The following DOCK3 variants were observed in gnomAD, a reference collection of about 807,000 sequenced individuals.
The protein encoded by DOCK3 is dedicator of cytokinesis protein 3.
DOCK3 carries 60 observed loss-of-function variants against 265.6 expected under a neutral mutation model. That is an observed-to-expected ratio of 0.23 (90% CI 0.18 to 0.28). The LOEUF (loss-of-function observed/expected upper bound fraction) is 0.28, where lower values mean the gene tolerates loss of function less well. DOCK3 is among the 10% of genes least tolerant of loss of function. The pLI is 1.00. For synonymous variants in DOCK3, 881 were observed against 938.0 expected, an observed-to-expected ratio of 0.94 and a Z score of 1.11; for missense variants, 1,981 against 2,594.3, an observed-to-expected ratio of 0.76 and a Z score of 5.14.
intron 5 of DOCK3, among the ~76,000 whole-genome samples, chr3:51,019,360 A>C (rs1014949782): frequency 2.0e-5 from 3 of 151,942 alleles, no homozygotes; most frequent in African/African-American, 7.3e-5. Context: ...TGCTTTTCTC[A>C]CTATACTGCA....
chr3:51,193,509 G>A (rs927752077), intron 12 of DOCK3, among the ~76,000 whole-genome samples: 6 of 151,934 alleles, frequency 3.9e-5, no homozygotes, highest in Non-Finnish European at 5.9e-5. Flanking sequence ...TTCTTTTTAC[G>A]TTTGGTAGAA....
At chr3:50,812,927 G>A (rs1219760796) in intron 2 of DOCK3, among the ~76,000 whole-genome samples, 8 of 152,214 alleles carry the variant, frequency 5.3e-5, no homozygotes, top group Admixed American at 4.6e-4. Context: ...GGTAACTGGC[G>A]CAATTGCATG....
chr3:51,268,979 A>G (rs2080342404), intron 23 of DOCK3, among the ~76,000 whole-genome samples: 1 of 151,948 alleles, frequency 6.6e-6, no homozygotes, highest in Non-Finnish European at 1.5e-5. Flanking sequence ...CCCTGTACTG[A>G]GTGGCACACT....
chr3:51,101,754 G>A (rs373343624), intron 9 of DOCK3, among the ~76,000 whole-genome samples: 1 of 152,100 alleles, frequency 6.6e-6, no homozygotes, highest in Non-Finnish European at 1.5e-5. Flanking sequence ...TGCAAAAAAG[G>A]CTTCGTGTAG....
chr3:50,713,652 A>T (rs898575153), intron 1 of DOCK3, among the ~76,000 whole-genome samples: 1 of 151,654 alleles, frequency 6.6e-6, no homozygotes, highest in East Asian at 1.9e-4. Flanking sequence ...ATATATATAT[A>T]TATTTTTTGT....
At chr3:51,315,871 G>T (rs889978709) in intron 32 of DOCK3, among the ~76,000 whole-genome samples, 1 of 152,130 alleles carries the variant, frequency 6.6e-6, no homozygotes, top group Non-Finnish European at 1.5e-5. Context: ...GTATTGGCTT[G>T]GGAATTGTAC....
At chr3:51,362,883 G>A (rs930398682) in intron 49 of DOCK3, among the ~76,000 whole-genome samples, 3 of 152,196 alleles carry the variant, frequency 2.0e-5, no homozygotes, top group South Asian at 2.1e-4. Flanking sequence ...AGTGGCTGCC[G>A]CTGTGCCGCC....
chr3:51,380,903 G>A, intron 52 of DOCK3, 147 bp from the exon 53 acceptor site: 3 of 1,054,558 alleles, frequency 2.8e-6, no homozygotes, highest in Non-Finnish European at 4.0e-6. Context: ...GGTGGGAGGA[G>A]CTGGGAGCTT....
At chr3:50,907,485 T>C (rs191562214) in intron 4 of DOCK3, among the ~76,000 whole-genome samples, 3 of 152,282 alleles carry the variant, frequency 2.0e-5, no homozygotes, top group East Asian at 3.9e-4. Flanking sequence ...TCTTGTTGAA[T>C]TGATCCCTTT....
intron 2 of DOCK3, chr3:50,786,993 G>A (rs2042217440): frequency 1.3e-6 from 1 of 741,750 alleles, no homozygotes; most frequent in South Asian, 1.4e-5. Flanking sequence ...TTTCGCACAT[G>A]AGCCATGGCA....
At chr3:51,124,695 A>G (rs2084186095) in intron 9 of DOCK3, among the ~76,000 whole-genome samples, 1 of 152,214 alleles carries the variant, frequency 6.6e-6, no homozygotes, top group Non-Finnish European at 1.5e-5. Context: ...TTTTTGATCA[A>G]TATTAAATCT....
At chr3:50,964,451 T>C (rs887877006) in intron 5 of DOCK3, among the ~76,000 whole-genome samples, 7 of 152,004 alleles carry the variant, frequency 4.6e-5, no homozygotes, top group African/African-American at 1.7e-4. Context: ...CAAGTTTGAA[T>C]CTCTAGAGGG....
At chr3:50,758,689 C>CA (rs1282608860) in intron 1 of DOCK3, among the ~76,000 whole-genome samples, 2 of 152,146 alleles carry the variant, frequency 1.3e-5, no homozygotes, top group African/African-American at 4.8e-5. Context: ...CACACTTTCC[C>CA]AGCCCCCGGC....
intron 5 of DOCK3, among the ~76,000 whole-genome samples, chr3:51,050,438 G>A (rs1027625461): frequency 6.6e-6 from 1 of 152,102 alleles, no homozygotes; most frequent in Admixed American, 6.6e-5. Context: ...TGATACATGA[G>A]ATTTATAGAA....
chr3:50,770,468 C>T (rs1418038647), intron 1 of DOCK3, among the ~76,000 whole-genome samples: 2 of 151,472 alleles, frequency 1.3e-5, no homozygotes, highest in African/African-American at 4.8e-5. Flanking sequence ...AAAAAAAAAT[C>T]CGTGTTCATT....
intron 5 of DOCK3, among the ~76,000 whole-genome samples, chr3:50,982,513 A>C (rs1472080902): frequency 6.6e-6 from 1 of 152,072 alleles, no homozygotes; most frequent in Non-Finnish European, 1.5e-5. Context: ...CCTGTGCCTC[A>C]TGTCCCCAAG....
At position 51,064,452 on chromosome 3, in the gene DOCK3, A is replaced by G; in HGVS notation, c.320A>G (p.His107Arg). 1 of 1,613,888 alleles carries G rather than the reference A, an allele frequency of 6.2e-7. No homozygotes were observed. The highest frequency in any genetic ancestry group is 8.5e-7 in the Non-Finnish European group (1 of 1,179,816). ...ASLWKQLYVK[H>R]KVDLFYKLRH... ...ACACCAAAAATGCCCTTTCAGAAAC[A>G]CAAAGTAGATCTTTTCTACAAACTA... The change falls in exon 6 of 53, where the codon CAC (histidine) becomes CGC (arginine). Residue 107 changes from histidine to arginine, a missense_variant. Physicochemically the swap from His to Arg is conservative, Grantham distance 29. Around this residue, in one of 4 missense-constraint regions of DOCK3, gnomAD observed 456 missense variants for 539.0 expected, o/e 0.85. Coordinates refer to ENST00000266037, the MANE Select transcript of DOCK3 (RefSeq NM_004947.5).
At chr3:50,744,408 G>T (rs2039287265) in intron 1 of DOCK3, among the ~76,000 whole-genome samples, 1 of 151,108 alleles carries the variant, frequency 6.6e-6, no homozygotes, top group African/African-American at 2.4e-5. Flanking sequence ...TAGTTTTTAT[G>T]TGTAGCTCTT....
At chr3:51,125,741 T>C (rs538683230) in intron 9 of DOCK3, among the ~76,000 whole-genome samples, 2 of 152,302 alleles carry the variant, frequency 1.3e-5, no homozygotes, top group African/African-American at 4.8e-5. Flanking sequence ...TTATATCTTG[T>C]TTTATGCCAA....
Sources: gnomAD v4.1 joint callset for allele counts (sites outside exome capture counted in the v4.1 genomes callset) on GRCh38, gnomAD v4.1.1 for gene constraint, gnomAD v4.1.1 regional missense constraint, MANE v1.5 for transcripts, NCBI Gene and HGNC (gene_info 2026-07-23, HGNC 2026-07-21) for gene names.